CSMD1: variants seen among roughly 807,000 people sequenced by gnomAD.
CSMD1 encodes CUB and sushi domain-containing protein 1.
CSMD1 carries 213 observed loss-of-function variants against 417.5 expected under a neutral mutation model. The observed-to-expected ratio is 0.51, with a 90% CI of 0.46 to 0.57. CSMD1 has a LOEUF of 0.57. Ranked by LOEUF, CSMD1 falls within the 20% of genes least tolerant of loss-of-function variation. The pLI is 0.00. For synonymous variants in CSMD1, 2,862 were observed against 1,736.8 expected (o/e 1.65, Z -16.11); for missense variants, 6,923 against 4,529.7 (o/e 1.53, Z -15.17).
In CSMD1 at chr8:4,141,846, A is replaced by C. The variant is rs1476087038; in HGVS notation, c.416-109747T>G. 1.3e-5 allele frequency among the ~76,000 whole-genome samples: 2 copies of C among 151,112 alleles called. 1 individual carries two copies. Among genetic ancestry groups the C allele is most frequent in the African/African-American group, 4.9e-5 (2 of 40,452 alleles). ...TATAATTCATCATTTATCGTGACTA[A>C]CAGTACCATTTAGATATTGAGAGTA... is the stretch of plus-strand genomic sequence containing the variant. On this transcript the variant is annotated intron_variant, in intron 3 of 69. Transcript: ENST00000635120.
chr8:4,763,317 T>A (rs1480417153), intron 1 of CSMD1, among the ~76,000 whole-genome samples: 4 of 152,222 alleles, frequency 2.6e-5, no homozygotes, highest in Admixed American at 6.5e-5. Flanking sequence ...CCCTCCTGAA[T>A]GATCTCATCC....
chr8:3,794,873 C>CTA (rs1258233727), intron 5 of CSMD1, among the ~76,000 whole-genome samples: 1 of 151,224 alleles, frequency 6.6e-6, no homozygotes, highest in Non-Finnish European at 1.5e-5. Flanking sequence ...TACCAATGAT[C>CTA]TCTCTCTCTC....
At chr8:3,381,400 C>T (rs1810618096) in intron 18 of CSMD1, among the ~76,000 whole-genome samples, 1 of 152,066 alleles carries the variant, frequency 6.6e-6, no homozygotes, top group South Asian at 2.1e-4. Context: ...GTTTGCATGG[C>T]ACATAAACAT....
At chr8:3,672,537 T>C (rs896436089) in intron 7 of CSMD1, among the ~76,000 whole-genome samples, 2 of 152,224 alleles carry the variant, frequency 1.3e-5, no homozygotes, top group African/African-American at 4.8e-5. Flanking sequence ...AAATCAATTA[T>C]ATTAAAACAG....
chr8:4,566,511 G>C (rs1798615235), intron 2 of CSMD1, among the ~76,000 whole-genome samples: 2 of 151,886 alleles, frequency 1.3e-5, no homozygotes, highest in South Asian at 4.2e-4. Flanking sequence ...AAATTAGCCG[G>C]GCGTGGTGGC....
intron 1 of CSMD1, among the ~76,000 whole-genome samples, chr8:4,973,934 G>C (rs889513328): frequency 6.6e-6 from 1 of 152,224 alleles, no homozygotes; most frequent in African/African-American, 2.4e-5. Context: ...GGAATAAAAA[G>C]GAAAAGTAAT....
intron 1 of CSMD1, among the ~76,000 whole-genome samples, chr8:4,667,006 C>T (rs1230274981): frequency 6.6e-6 from 1 of 152,004 alleles, no homozygotes; most frequent in African/African-American, 2.4e-5. Flanking sequence ...GAATATCAAT[C>T]ATTTTGAGTT....
intron 2 of CSMD1, among the ~76,000 whole-genome samples, chr8:4,525,303 A>G (rs1409692811): frequency 6.6e-6 from 1 of 152,158 alleles, no homozygotes; most frequent in Non-Finnish European, 1.5e-5. Context: ...GTAGGTAGCT[A>G]TGTGGCCAAG....
At chr8:4,272,698 C>T (rs561008950) in intron 3 of CSMD1, among the ~76,000 whole-genome samples, 1 of 152,134 alleles carries the variant, frequency 6.6e-6, no homozygotes, top group Admixed American at 6.6e-5. Flanking sequence ...ATTTGGAAGA[C>T]TGTACATTTT....
chr8:3,926,903 A>T (rs941261715), intron 5 of CSMD1, among the ~76,000 whole-genome samples: 2 of 151,560 alleles, frequency 1.3e-5, no homozygotes, highest in African/African-American at 2.4e-5. Context: ...TTTAGTAGAG[A>T]AAGGGTTTCA....
At chr8:4,344,183 G>C (rs1298917844) in intron 3 of CSMD1, among the ~76,000 whole-genome samples, 1 of 152,070 alleles carries the variant, frequency 6.6e-6, no homozygotes, top group Non-Finnish European at 1.5e-5. Flanking sequence ...TATATTTTCA[G>C]ATTTCTCTGT....
At chr8:4,603,961 T>C (rs565953929) in intron 2 of CSMD1, among the ~76,000 whole-genome samples, 4 of 152,298 alleles carry the variant, frequency 2.6e-5, no homozygotes, top group Admixed American at 1.3e-4. Flanking sequence ...CTATATACAT[T>C]TCTAAATTAC....
intron 1 of CSMD1, among the ~76,000 whole-genome samples, chr8:4,823,502 C>G (rs1799636466): frequency 6.6e-6 from 1 of 152,080 alleles, no homozygotes; most frequent in African/African-American, 2.4e-5. Context: ...TGCATATAAA[C>G]TCACTTGCAA....
chr8:3,468,752 A>T lies in CSMD1; in HGVS notation c.1521T>A (p.Asp507Glu). The stretch of plus-strand genomic sequence containing the variant: ...TAAACCCAGGTGAGCCAATGCTATC[A>T]TCCGACTGCAGATGTAGCCACATCT... The part of the protein sequence containing the change: ...SNQMWLHLQS[D>E]DSIGSPGFKA... Residue 507 changes from aspartate (D) to glutamate (E), a missense_variant, in exon 12 of 70, where the codon GAT (aspartate) becomes GAA (glutamate). Physicochemically the swap from Asp to Glu is conservative, Grantham distance 45. Transcript: ENST00000635120. 1 of 1,607,286 alleles carries T rather than the reference A, an allele frequency of 6.2e-7. No homozygotes were observed. The highest frequency in any genetic ancestry group is 8.5e-7 in the Non-Finnish European group (1 of 1,177,034).
chr8:3,827,845 T>C (rs1342388687), intron 5 of CSMD1, among the ~76,000 whole-genome samples: 1 of 152,200 alleles, frequency 6.6e-6, no homozygotes, highest in Non-Finnish European at 1.5e-5. Context: ...TAACTCACAG[T>C]GCATGTCACA....
At chr8:4,761,027 T>C (rs1302370878) in intron 1 of CSMD1, among the ~76,000 whole-genome samples, 1 of 152,186 alleles carries the variant, frequency 6.6e-6, no homozygotes, top group Non-Finnish European at 1.5e-5. Context: ...GGTGTCAGAA[T>C]ACACAGTATG....
chr8:3,982,521 T>A (rs987084331), intron 5 of CSMD1, among the ~76,000 whole-genome samples: 10 of 152,098 alleles, frequency 6.6e-5, no homozygotes, highest in African/African-American at 2.4e-4. Flanking sequence ...ATTATGTGCA[T>A]ACCATTTAGA....
chr8:4,929,008 T>A (rs1807060854), intron 1 of CSMD1, among the ~76,000 whole-genome samples: 1 of 151,904 alleles, frequency 6.6e-6, no homozygotes, highest in Non-Finnish European at 1.5e-5. Context: ...GCGGCAGAGG[T>A]TGCAGTGAGC....
intron 5 of CSMD1, among the ~76,000 whole-genome samples, chr8:3,936,301 C>G (rs939496370): frequency 4.6e-5 from 7 of 152,130 alleles, no homozygotes; most frequent in Admixed American, 1.3e-4. Flanking sequence ...ACGAAGGTGG[C>G]TACACTAAAA....
Sources: allele counts gnomAD v4.1 joint callset (sites outside exome capture counted in the v4.1 genomes callset), GRCh38; gene constraint gnomAD v4.1.1; transcripts MANE v1.5; gene names NCBI Gene and HGNC (gene_info 2026-07-23, HGNC 2026-07-21).